Variants in DENND1B observed in about 807,000 individuals in gnomAD.
DENND1B encodes the protein DENN domain-containing protein 1B.
Under a neutral mutation model 90.1 loss-of-function variants are expected in DENND1B, and 59 were observed. The ratio of observed to expected loss-of-function variants is 0.65; its 90% CI spans 0.53 to 0.81. The LOEUF is 0.81. Ranked by LOEUF, DENND1B falls within the 40% of genes least tolerant of loss-of-function variation. The probability of loss-of-function intolerance (pLI) is 0.00; values close to 1 mark genes in which losing one functional copy is unlikely to be tolerated. For missense variants in DENND1B, 862 were observed against 912.6 expected (o/e 0.94, Z 0.71); for synonymous variants, 337 against 324.6 (o/e 1.04, Z -0.41).
intron 20 of DENND1B, among the ~76,000 whole-genome samples, chr1:197,538,103 T>C (rs4477311): frequency 0.95 from 145,005 of 152,112 alleles, 69,481 homozygotes; most frequent in East Asian, 1. Flanking sequence ...ATTTAGGAAA[T>C]GTGTTTCTCC....
At chr1:197,628,511 T>G (rs1392405738) in intron 10 of DENND1B, among the ~76,000 whole-genome samples, 1 of 151,610 alleles carries the variant, frequency 6.6e-6, no homozygotes, top group Admixed American at 6.6e-5. Context: ...CTTACACCTT[T>G]TACAAAAATT....
chr1:197,521,831 T>A (rs2125614219), intron 20 of DENND1B, among the ~76,000 whole-genome samples: 1 of 152,208 alleles, frequency 6.6e-6, no homozygotes, highest in African/African-American at 2.4e-5. Flanking sequence ...TTTTATTTCA[T>A]TTAAATATCT....
At chr1:197,778,232 G>A (rs144754444), upstream of DENND1B, among the ~76,000 whole-genome samples, 908 of 152,200 alleles carry the variant, frequency 6.0e-3, 5 homozygotes, top group African/African-American at 0.021. Flanking sequence ...TCTGATGTTA[G>A]GATATCTCTT....
At chr1:197,663,236 T>C in intron 5 of DENND1B, among the ~76,000 whole-genome samples, 1 of 152,134 alleles carries the variant, frequency 6.6e-6, no homozygotes, top group Admixed American at 6.6e-5. Flanking sequence ...GTTACATCAG[T>C]ATGTACTATC....
intron 1 of DENND1B, 150 bp from the exon 2 acceptor site, chr1:197,773,082 C>G (rs761780199): frequency 9.4e-5 from 68 of 723,906 alleles, no homozygotes; most frequent in Non-Finnish European, 1.5e-4. Context: ...AACAATGAAA[C>G]TGTTTTCTCA....
intron 1 of DENND1B, chr1:197,773,163 T>C (rs1656835962): frequency 1.9e-6 from 1 of 520,070 alleles, no homozygotes; most frequent in African/African-American, 1.9e-5. Context: ...ACGCTGAGAC[T>C]GTTCTCCCTT....
At chr1:197,575,324 T>C (rs1276932127) in intron 15 of DENND1B, among the ~76,000 whole-genome samples, 2 of 151,524 alleles carry the variant, frequency 1.3e-5, no homozygotes, top group African/African-American at 4.8e-5. Context: ...AACAGACATA[T>C]GAAAAAAGGG....
At chr1:197,728,153 C>T (rs1228079769) in intron 2 of DENND1B, among the ~76,000 whole-genome samples, 1 of 152,012 alleles carries the variant, frequency 6.6e-6, no homozygotes, top group Admixed American at 6.6e-5. Context: ...AAAAAGTGAC[C>T]CTTCACCCCA....
chr1:197,588,865 C>T (rs993598463), intron 14 of DENND1B, among the ~76,000 whole-genome samples: 2 of 151,978 alleles, frequency 1.3e-5, no homozygotes, highest in African/African-American at 4.8e-5. Flanking sequence ...GAAAAAGAAC[C>T]TCACAGTCAA....
intron 3 of DENND1B, among the ~76,000 whole-genome samples, chr1:197,705,632 G>A (rs1283607813): frequency 3.4e-5 from 4 of 116,150 alleles, no homozygotes; most frequent in Non-Finnish European, 6.8e-5. Context: ...AGTTTATAAA[G>A]TAAAAGGTAG....
chr1:197,651,592 C>CATGTGTGTA (rs1359626312), intron 7 of DENND1B, among the ~76,000 whole-genome samples: 1 of 149,044 alleles, frequency 6.7e-6, no homozygotes, highest in Admixed American at 6.8e-5. Context: ...GGTTATTAAG[C>CATGTGTGTA]ATGTGTGTAT....
In DENND1B at chr1:197,690,167, T is replaced by TA. The variant is rs1196030204; in HGVS notation, c.127-15999_127-15998insT. The stretch of plus-strand genomic sequence containing the variant: ...ACCAAAAAGCTTTGAGTGAAGCTCT[T>TA]CCTAAGGATAATGTGGGCTTCGATG... On this transcript the variant is annotated intron_variant, in intron 3 of 22. Coordinates refer to ENST00000620048, the MANE Select transcript of DENND1B (RefSeq NM_001195215.2). 2.8e-5 allele frequency: 8 copies of TA among 285,312 alleles called. No individual in the cohort carries two copies. The Admixed American group carries it at 3.1e-4, about 11-fold the overall frequency. 17.7% of individuals were successfully genotyped at this position (285,312 alleles called of 1,614,324 possible). A position where few individuals can be genotyped will look rare whatever the true frequency, so the allele number is the denominator to read the frequency against.
In DENND1B at chr1:197,511,684, G is replaced by T. The variant is rs1226170845; in HGVS notation, c.1815+44C>A. The T allele has an allele frequency of 8.1e-6, 12 of 1,477,354 alleles. No individual in the cohort carries two copies. The African/African-American group carries it at 8.6e-5, about 11-fold the overall frequency. The allele number at this position is 1,477,354 out of a possible 1,614,324, so 91.5% of individuals were successfully genotyped here. A position where few individuals can be genotyped will look rare whatever the true frequency, so the allele number is the denominator to read the frequency against. ...GATCCAGTAATCACAGCCAAGGCAA[G>T]AATATTTTCTTCTAATTTTATAAGT... On this transcript the variant is annotated intron_variant, in intron 22 of 22. Transcript: ENST00000620048.
intron 15 of DENND1B, among the ~76,000 whole-genome samples, chr1:197,570,907 T>C (rs1290874300): frequency 1.3e-5 from 2 of 152,194 alleles, no homozygotes; most frequent in African/African-American, 4.8e-5. Flanking sequence ...CAATCATAAA[T>C]GGTCCCAGTA....
chr1:197,514,337 G>C (rs913651418), intron 20 of DENND1B, among the ~76,000 whole-genome samples: 1 of 151,564 alleles, frequency 6.6e-6, no homozygotes, highest in African/African-American at 2.4e-5. Context: ...AGCTAAGCTA[G>C]TGTCCTAACA....
intron 14 of DENND1B, among the ~76,000 whole-genome samples, chr1:197,593,870 T>C (rs1397192532): frequency 1.3e-5 from 2 of 152,152 alleles, no homozygotes; most frequent in African/African-American, 2.4e-5. Flanking sequence ...ATCCCTATTT[T>C]CAAACTTTGA....
intron 10 of DENND1B, among the ~76,000 whole-genome samples, chr1:197,630,449 C>T (rs371499197): frequency 2.3e-3 from 356 of 152,128 alleles, no homozygotes; most frequent in African/African-American, 7.8e-3. Flanking sequence ...TTTATGAGGG[C>T]TCATGATTTC....
At chr1:197,744,874 C>T (rs756571168) in intron 2 of DENND1B, among the ~76,000 whole-genome samples, 9 of 152,224 alleles carry the variant, frequency 5.9e-5, no homozygotes, top group Non-Finnish European at 1.2e-4. Flanking sequence ...GCTAGATCTT[C>T]TGGATAACTT....
Position 197,507,701 on chromosome 1 carries a change from T to C in DENND1B, c.*2759A>G, listed in dbSNP as rs933103141. Reference sequence around the variant, plus strand: ...AGGAACTTACAAATATTTGATTTAGTTACCATAGAAAATATGGGCACTGTA... The same window carrying C: ...AGGAACTTACAAATATTTGATTTAGCTACCATAGAAAATATGGGCACTGTA... On this transcript the variant is annotated 3_prime_UTR_variant, in exon 23 of 23. Transcript: ENST00000620048. 10 of 151,608 alleles carry C rather than the reference T, an allele frequency of 6.6e-5. No individual in the cohort carries two copies. Among genetic ancestry groups the C allele is most frequent in the African/African-American group, 2.2e-4 (9 of 41,368 alleles). 9.4% of individuals were successfully genotyped at this position (151,608 alleles called of 1,614,324 possible). A position where few individuals can be genotyped will look rare whatever the true frequency, so the allele number is the denominator to read the frequency against.
Sources: allele counts gnomAD v4.1 joint callset (sites outside exome capture counted in the v4.1 genomes callset), GRCh38; gene constraint gnomAD v4.1.1; transcripts MANE v1.5; gene names NCBI Gene and HGNC (gene_info 2026-07-23, HGNC 2026-07-21).